NBDY: variants seen among roughly 807,000 people sequenced by gnomAD.
NBDY encodes negative regulator of P-body association.
At chrX:56,782,681 A>C (rs1333307083) in intron 2 of NBDY, among the ~76,000 whole-genome samples, 1 of 111,713 alleles carries the variant, frequency 9.0e-6, no homozygotes, top group Non-Finnish European at 1.9e-5. Flanking sequence ...TGTAATCCTG[A>C]GCCATTAGGA....
chrX:56,810,513 G>T (rs1043531931), intron 2 of NBDY, among the ~76,000 whole-genome samples: 1 of 109,243 alleles, frequency 9.2e-6, no homozygotes, highest in Non-Finnish European at 1.9e-5. Flanking sequence ...TTCAATCTCT[G>T]ATATCCTTTC....
At chrX:56,736,465 C>T (rs1347097003) in intron 2 of NBDY, among the ~76,000 whole-genome samples, 1 of 111,007 alleles carries the variant, frequency 9.0e-6, no homozygotes, top group African/African-American at 3.3e-5. Context: ...GGGGTTTCAC[C>T]ATGTTGGTCA....
At position 56,818,778 on chromosome X, in the gene NBDY, T is replaced by C. The variant is rs182128400; in HGVS notation, c.*1625T>C. 7.2e-5 allele frequency: 8 copies of C among 111,449 alleles called. No homozygotes were observed. Among genetic ancestry groups the C allele is most frequent in the Admixed American group, 2.9e-4 (3 of 10,463 alleles). 9.2% of individuals were successfully genotyped at this position (111,449 alleles called of 1,213,427 possible). ...TTTGAAGAGTCACATTTCCAAATTT[T>C]AAAACTTATTACAAAGCTACAATAA... On this transcript the variant is annotated 3_prime_UTR_variant, in exon 3 of 3. Coordinates refer to ENST00000374922, the MANE Select transcript of NBDY (RefSeq NM_001348129.2).
intron 2 of NBDY, among the ~76,000 whole-genome samples, chrX:56,740,166 A>T (rs1019626820): frequency 2.7e-5 from 3 of 111,389 alleles, no homozygotes; most frequent in Non-Finnish European, 5.7e-5. Context: ...TTACTTTAAA[A>T]TTTTTTTACT....
chrX:56,739,262 A>ATATATATATG (rs1318229681), intron 2 of NBDY, among the ~76,000 whole-genome samples: 6 of 76,315 alleles, frequency 7.9e-5, no homozygotes, highest in Non-Finnish European at 1.2e-4. Flanking sequence ...ATATATATAT[A>ATATATATATG]TGTATGTATA....
intron 2 of NBDY, among the ~76,000 whole-genome samples, chrX:56,807,860 G>A (rs1602669732): frequency 8.9e-6 from 1 of 112,227 alleles, no homozygotes; most frequent in East Asian, 2.8e-4. Context: ...GTGTTGAATA[G>A]GAGTGGTGAG....
Position 56,766,227 on chromosome X carries a change from C to T in NBDY, c.*166+34028C>T, listed in dbSNP as rs2069664954. ...TTCCAGTCAAGCCATGTGAACACAT[C>T]AATCTGAATTTCAGTGTGTGCAGGC... On this transcript the variant is annotated intron_variant, in intron 2 of 2. Transcript: ENST00000374922. Among the ~76,000 whole-genome samples, 4 of 111,771 alleles carry T rather than the reference C, an allele frequency of 3.6e-5. No individual in the cohort carries two copies. The South Asian group carries it at 1.5e-3, about 42-fold the overall frequency.
At chrX:56,766,685 C>T (rs1006349939) in intron 2 of NBDY, among the ~76,000 whole-genome samples, 1 of 111,789 alleles carries the variant, frequency 8.9e-6, no homozygotes, top group Non-Finnish European at 1.9e-5. Flanking sequence ...GCAACTAGGG[C>T]CTTCTCCTGA....
chrX:56,784,348 G>A (rs2069714718), intron 2 of NBDY, among the ~76,000 whole-genome samples: 1 of 111,598 alleles, frequency 9.0e-6, no homozygotes. Context: ...GGACTGGACT[G>A]GAAGGACTCC....
At chrX:56,814,724 A>G (rs1481117710) in intron 2 of NBDY, among the ~76,000 whole-genome samples, 1 of 110,613 alleles carries the variant, frequency 9.0e-6, no homozygotes, top group African/African-American at 3.3e-5. Context: ...CCATCTCTTG[A>G]CCTCGTGATC....
chrX:56,751,132 C>CT (rs776255997), intron 2 of NBDY, among the ~76,000 whole-genome samples: 137 of 104,150 alleles, frequency 1.3e-3, no homozygotes, highest in Non-Finnish European at 1.5e-3. Flanking sequence ...ACTCACACAA[C>CT]TTTTTTTTTT....
chrX:56,809,011 T>A, intron 2 of NBDY, among the ~76,000 whole-genome samples: 1 of 112,634 alleles, frequency 8.9e-6, no homozygotes, highest in Non-Finnish European at 1.9e-5. Context: ...TTTATTTCGT[T>A]ATTTACGCAG....
At chrX:56,741,908 A>C in intron 2 of NBDY, among the ~76,000 whole-genome samples, 1 of 111,706 alleles carries the variant, frequency 9.0e-6, no homozygotes, top group East Asian at 2.8e-4. Flanking sequence ...ATTTTTGCCC[A>C]GATCAATGTC....
intron 2 of NBDY, among the ~76,000 whole-genome samples, chrX:56,746,728 A>G (rs1305516824): frequency 9.0e-6 from 1 of 110,900 alleles, no homozygotes; most frequent in East Asian, 2.8e-4. Flanking sequence ...CTTGCTGGCT[A>G]TGAGCTAAGA....
chrX:56,766,859 C>G (rs192062997), intron 2 of NBDY, among the ~76,000 whole-genome samples: 2 of 112,529 alleles, frequency 1.8e-5, no homozygotes, highest in East Asian at 5.6e-4. Context: ...CTGAGCCACC[C>G]TCCTCCCAAC....
intron 2 of NBDY, among the ~76,000 whole-genome samples, chrX:56,764,451 G>A (rs939035675): frequency 1.8e-5 from 2 of 111,012 alleles, no homozygotes; most frequent in Admixed American, 9.5e-5. Flanking sequence ...TCTCCAAAGC[G>A]TCCCAATGCC....
rs770471888 is a variant in NBDY at position 56,766,334 on chromosome X, C to G, written c.*166+34135C>G. Among the ~76,000 whole-genome samples the G allele has an allele frequency of 1.1e-3, 118 of 111,859 alleles. 1 individual carries two copies. Among genetic ancestry groups the G allele is most frequent in the African/African-American group, 3.5e-3 (106 of 30,702 alleles). Reference sequence around the variant, plus strand: ...TCTCTGCCACGTGTTCATTTGCCCACTCTCACTCACACAGGGAGGCACACA... The same window carrying G: ...TCTCTGCCACGTGTTCATTTGCCCAGTCTCACTCACACAGGGAGGCACACA... On this transcript the variant is annotated intron_variant, in intron 2 of 2. Transcript: ENST00000374922.
intron 2 of NBDY, among the ~76,000 whole-genome samples, chrX:56,805,698 C>T (rs960047758): frequency 4.5e-5 from 5 of 112,081 alleles, no homozygotes; most frequent in African/African-American, 1.6e-4. Context: ...TCTTCCTCCT[C>T]TGTGAGGCCA....
At chrX:56,801,752 G>A (rs2069823556) in intron 2 of NBDY, among the ~76,000 whole-genome samples, 1 of 110,384 alleles carries the variant, frequency 9.1e-6, no homozygotes, top group African/African-American at 3.3e-5. Flanking sequence ...TGAACACAAC[G>A]ATCCAGATTT....
Sources: gnomAD v4.1 joint callset for allele counts (sites outside exome capture counted in the v4.1 genomes callset) on GRCh38, gnomAD v4.1.1 for gene constraint, MANE v1.5 for transcripts, NCBI Gene and HGNC (gene_info 2026-07-23, HGNC 2026-07-21) for gene names.